The following TMEM181 variants were observed in gnomAD, a reference collection of about 807,000 sequenced individuals.
The protein encoded by TMEM181 is G protein-coupled receptor 178.
A neutral mutation model predicts 71.9 loss-of-function variants in TMEM181; 39 were observed. That is an observed-to-expected ratio of 0.54 (90% CI 0.42 to 0.71). TMEM181 has a LOEUF of 0.71. Among genes scored for constraint, TMEM181 ranks in the 30% least tolerant of loss-of-function variants. The pLI, the probability that TMEM181 is intolerant of heterozygous loss-of-function variation, is 0.00. For missense variants in TMEM181, 595 were observed against 583.0 expected, an observed-to-expected ratio of 1.02 and a Z score of -0.21; for synonymous variants, 245 against 228.8, an observed-to-expected ratio of 1.07 and a Z score of -0.64.
chr6:158,550,964 T>TG (rs1781704295), intron 1 of TMEM181, among the ~76,000 whole-genome samples: 2 of 109,900 alleles, frequency 1.8e-5, no homozygotes, highest in Non-Finnish European at 3.6e-5. Context: ...CTTTATCAAT[T>TG]CCTTTTTTTT....
At chr6:158,600,195 T>C (rs970561806) in intron 6 of TMEM181, among the ~76,000 whole-genome samples, 4 of 151,880 alleles carry the variant, frequency 2.6e-5, no homozygotes, top group Non-Finnish European at 4.4e-5. Flanking sequence ...TGAGATGGAG[T>C]TTTGCTCTTG....
intron 13 of TMEM181, 114 bp downstream of exon 13, chr6:158,625,868 C>A: frequency 1.1e-6 from 1 of 948,468 alleles, no homozygotes; most frequent in Non-Finnish European, 1.6e-6. Flanking sequence ...GCCCAGTAGA[C>A]TCATGAGGTT....
intron 1 of TMEM181, among the ~76,000 whole-genome samples, chr6:158,545,509 C>T (rs557689446): frequency 2.3e-4 from 35 of 152,360 alleles, no homozygotes; most frequent in South Asian, 2.3e-3. Flanking sequence ...TCATGAGCAA[C>T]GCCGCCCGCT....
At chr6:158,572,135 T>C (rs9457405) in intron 1 of TMEM181, among the ~76,000 whole-genome samples, 61,227 of 152,190 alleles carry the variant, frequency 0.4, 12,750 homozygotes, top group Middle Eastern at 0.52. Flanking sequence ...TTATCAGAGC[T>C]ACGTCGCAGA....
At chr6:158,608,511 C>T (rs1373236657) in intron 9 of TMEM181, 48 bp downstream of exon 9, 1 of 1,613,440 alleles carries the variant, frequency 6.2e-7, no homozygotes, top group Admixed American at 1.7e-5. Flanking sequence ...AGACTGTGTC[C>T]TCCCTCCCGA....
At chr6:158,597,830 A>C (rs959865755) in intron 6 of TMEM181, among the ~76,000 whole-genome samples, 1 of 152,046 alleles carries the variant, frequency 6.6e-6, no homozygotes, top group Non-Finnish European at 1.5e-5. Context: ...ATAAGGTGCA[A>C]ATCCATTCAT....
chr6:158,562,567 A>G (rs1216332612), intron 1 of TMEM181, among the ~76,000 whole-genome samples: 1 of 151,740 alleles, frequency 6.6e-6, no homozygotes, highest in South Asian at 2.1e-4. Flanking sequence ...ATTAATTAGA[A>G]CCACCTTCGG....
Position 158,536,804 on chromosome 6 carries a change from C to T in TMEM181, c.70C>T (p.Arg24Trp), listed in dbSNP as rs766499442. The T allele has an allele frequency of 5.8e-6, 9 of 1,559,580 alleles. No homozygotes were observed. In the Admixed American group the frequency reaches 7.1e-5, roughly 12 times the overall value. The stretch of plus-strand genomic sequence containing the variant: ...GCTCAAGCACCTGTGCCGGCGGCTG[C>T]GGGAAGCGTACCGCGAGCTCAAGGA... The change falls in exon 1 of 17, where the codon CGG (arginine) becomes TGG (tryptophan). Residue 24 changes from arginine to tryptophan, a missense_variant. Coordinates refer to the TMEM181 transcript ENST00000367090.
chr6:158,624,948 G>A (rs1786187625), intron 11 of TMEM181, among the ~76,000 whole-genome samples, 156 bp from the exon 12 acceptor site: 1 of 152,194 alleles, frequency 6.6e-6, no homozygotes. Context: ...CTGAGCAGAT[G>A]GTCCCGGCTG....
chr6:158,594,969 T>G (rs1279439020), intron 6 of TMEM181, among the ~76,000 whole-genome samples: 1 of 152,360 alleles, frequency 6.6e-6, no homozygotes, highest in South Asian at 2.1e-4. Flanking sequence ...TGAGCCACCA[T>G]GCCTGGCCCC....
At chr6:158,628,231 T>TGTGTGTGTGTGC (rs1367431826) in intron 13 of TMEM181, 177 bp from the exon 14 acceptor site, 2 of 709,018 alleles carry the variant, frequency 2.8e-6, no homozygotes, top group Non-Finnish European at 5.1e-6. Context: ...GCAGGGGCTG[T>TGTGTGTGTGTGC]GTGTGTGTGT....
intron 5 of TMEM181, among the ~76,000 whole-genome samples, 181 bp downstream of exon 5, chr6:158,585,606 A>T (rs148505276): frequency 3.3e-3 from 496 of 152,334 alleles, no homozygotes; most frequent in African/African-American, 0.011. Flanking sequence ...ACAGTTGGAT[A>T]CCCTTAAAAA....
chr6:158,566,665 G>T (rs1223613405), intron 1 of TMEM181, among the ~76,000 whole-genome samples: 1 of 151,090 alleles, frequency 6.6e-6, no homozygotes, highest in Non-Finnish European at 1.5e-5. Context: ...TGGGGTGAGG[G>T]AGGTGATGGG....
At chr6:158,598,833 C>G (rs1784521108) in intron 6 of TMEM181, among the ~76,000 whole-genome samples, 1 of 152,014 alleles carries the variant, frequency 6.6e-6, no homozygotes, top group Non-Finnish European at 1.5e-5. Context: ...GCCATCACGC[C>G]CAGATAATTT....
At chr6:158,581,080 T>G in intron 3 of TMEM181, 85 bp downstream of exon 3, 1 of 1,314,252 alleles carries the variant, frequency 7.6e-7, no homozygotes, top group Non-Finnish European at 1.1e-6. Context: ...TTAGAGTCTT[T>G]AAGGTAGCCT....
At chr6:158,585,790 C>T (rs145117765) in intron 5 of TMEM181, among the ~76,000 whole-genome samples, 6 of 152,272 alleles carry the variant, frequency 3.9e-5, no homozygotes, top group Non-Finnish European at 4.4e-5. Flanking sequence ...CCTCCTCATA[C>T]GAACGTCTGC....
chr6:158,544,182 A>AGAGAGAGTGTGT (rs149735409), intron 1 of TMEM181, among the ~76,000 whole-genome samples: 10 of 127,644 alleles, frequency 7.8e-5, no homozygotes, highest in Admixed American at 3.1e-4. Context: ...AATTGGAGAG[A>AGAGAGAGTGTGT]GTGTGTGTGT....
chr6:158,578,207 T>A (rs1223715417), intron 2 of TMEM181, among the ~76,000 whole-genome samples: 1 of 152,242 alleles, frequency 6.6e-6, no homozygotes, highest in Non-Finnish European at 1.5e-5. Flanking sequence ...AAGTTATTAC[T>A]ATTAGACCTG....
intron 1 of TMEM181, among the ~76,000 whole-genome samples, chr6:158,560,630 G>T (rs1782107372): frequency 6.6e-6 from 1 of 152,158 alleles, no homozygotes; most frequent in African/African-American, 2.4e-5. Context: ...GAAAGGCCCC[G>T]CCCCGTCGTC....
Sources: allele counts gnomAD v4.1 joint callset (sites outside exome capture counted in the v4.1 genomes callset), GRCh38; gene constraint gnomAD v4.1.1; transcripts MANE v1.5; gene names NCBI Gene and HGNC (gene_info 2026-07-23, HGNC 2026-07-21).